MAEA: variants seen among roughly 807,000 people sequenced by gnomAD.
MAEA encodes macrophage erythroblast attacher, E3 ubiquitin ligase.
In MAEA, 22 loss-of-function variants were observed where a neutral mutation model predicts 46.2. That is an observed-to-expected ratio of 0.48 (90% confidence interval 0.34 to 0.68). The LOEUF is 0.68. MAEA is among the 30% of genes least tolerant of loss of function. The probability of loss-of-function intolerance (pLI) is 0.01; values close to 1 mark genes in which losing one functional copy is unlikely to be tolerated. For synonymous variants in MAEA, 246 were observed against 222.6 expected (o/e 1.11, Z -0.94); for missense variants, 393 against 558.1 (o/e 0.70, Z 2.98).
At chr4:1,314,804 G>A (rs1291596122) in intron 2 of MAEA, among the ~76,000 whole-genome samples, 1 of 152,246 alleles carries the variant, frequency 6.6e-6, no homozygotes, top group African/African-American at 2.4e-5. Flanking sequence ...GCAGTTGGAA[G>A]CCAAAATTGG....
chr4:1,318,265 C>T (rs958028690), intron 3 of MAEA, among the ~76,000 whole-genome samples: 5 of 152,178 alleles, frequency 3.3e-5, no homozygotes, highest in African/African-American at 9.7e-5. Context: ...AGCAACCTGG[C>T]GGTGGCTGCT....
Position 1,339,213 on chromosome 4 carries a change from G to GCCTCCCCGCCCACT in MAEA, c.*44_*45insCCTCCCCGCCCACT. On this transcript the variant is annotated 3_prime_UTR_variant, in exon 9 of 9. Coordinates refer to ENST00000303400, the MANE Select transcript of MAEA (RefSeq NM_001017405.3). ...CACGCCTCGGGGACGGGCTGCAGTG[G>GCCTCCCCGCCCACT]GCGGGGAGGCCACGCCTTCCTCCTG... is the stretch of plus-strand genomic sequence containing the variant. 2.0e-6 allele frequency: 3 copies of GCCTCCCCGCCCACT among 1,472,350 alleles called. No homozygotes were observed. The highest frequency in any genetic ancestry group is 2.9e-6 in the Non-Finnish European group (3 of 1,051,414). The allele number at this position is 1,472,350 out of a possible 1,614,324, so 91.2% of individuals were successfully genotyped here. A position where few individuals can be genotyped will look rare whatever the true frequency, so the allele number is the denominator to read the frequency against.
At chr4:1,309,973 C>A (rs1429320911) in intron 1 of MAEA, 1 of 1,246,302 alleles carries the variant, frequency 8.0e-7, no homozygotes, top group African/African-American at 1.5e-5. Context: ...CTTTCCTTTT[C>A]TGGTGGCGGT....
At chr4:1,322,617 A>G (rs1738272486) in intron 4 of MAEA, 114 bp downstream of exon 4, 1 of 1,420,780 alleles carries the variant, frequency 7.0e-7, no homozygotes, top group South Asian at 1.3e-5. Context: ...TTTGGTTTGT[A>G]AGGTGGGGGT....
At chr4:1,300,750 C>G (rs2108872858) in intron 1 of MAEA, among the ~76,000 whole-genome samples, 1 of 152,384 alleles carries the variant, frequency 6.6e-6, no homozygotes. Context: ...GAGCGCAGAG[C>G]TCAGGGCCGA....
chr4:1,317,844 C>G (rs756345841), intron 3 of MAEA, among the ~76,000 whole-genome samples: 1 of 152,172 alleles, frequency 6.6e-6, no homozygotes, highest in Non-Finnish European at 1.5e-5. Context: ...CCGAAGTCTC[C>G]AGGTCATGAC....
At chr4:1,321,364 C>G (rs1050290283) in intron 3 of MAEA, among the ~76,000 whole-genome samples, 1 of 150,194 alleles carries the variant, frequency 6.7e-6, no homozygotes, top group African/African-American at 2.5e-5. Context: ...AACGAGAAAC[C>G]GTTAAAGAAA....
At position 1,338,542 on chromosome 4, in the gene MAEA, C is replaced by T. The variant is rs753800491; in HGVS notation, c.1020C>T (p.Cys340=). The T allele has an allele frequency of 3.1e-6, 5 of 1,613,266 alleles. No homozygotes were observed. The highest frequency in any genetic ancestry group is 4.2e-6 in the Non-Finnish European group (5 of 1,180,020). The change falls in exon 8 of 9, where the codon TGC becomes TGT. Residue 340 remains cysteine, a synonymous_variant. Transcript: ENST00000303400. ...MAHCANSRLV[C]KISGDVMNEN... is the part of the protein sequence containing the mutation. ...ACTGTGCCAACTCCCGCCTGGTCTG[C>T]AAGATTTCTGGCGACGTGATGAACG...
intron 1 of MAEA, among the ~76,000 whole-genome samples, chr4:1,307,808 T>G (rs2108892912): frequency 6.6e-6 from 1 of 152,302 alleles, no homozygotes; most frequent in South Asian, 2.1e-4. Flanking sequence ...AAATTGCTTA[T>G]CCTCTGACTT....
intron 1 of MAEA, among the ~76,000 whole-genome samples, chr4:1,308,796 T>G (rs945627453): frequency 6.6e-6 from 1 of 152,260 alleles, no homozygotes; most frequent in Non-Finnish European, 1.5e-5. Context: ...TTTTTAAAAG[T>G]GCATTCTGGA....
intron 1 of MAEA, among the ~76,000 whole-genome samples, chr4:1,298,995 C>T (rs1326610006): frequency 6.6e-6 from 1 of 152,128 alleles, no homozygotes; most frequent in African/African-American, 2.4e-5. Flanking sequence ...GATCTTCCTG[C>T]CTCAGCCTCC....
At chr4:1,317,727 T>A (rs13129712) in intron 3 of MAEA, among the ~76,000 whole-genome samples, 1 of 152,062 alleles carries the variant, frequency 6.6e-6, no homozygotes, top group African/African-American at 2.4e-5. Context: ...GTGAATGTGA[T>A]GTGTCACAGC....
intron 1 of MAEA, among the ~76,000 whole-genome samples, chr4:1,302,990 C>T (rs1180371249): frequency 3.3e-5 from 5 of 151,978 alleles, no homozygotes; most frequent in Non-Finnish European, 7.4e-5. Flanking sequence ...ACGCAGCCAC[C>T]TCGGAAAACA....
intron 7 of MAEA, chr4:1,337,790 C>T (rs1036572049): frequency 5.7e-6 from 1 of 174,846 alleles, no homozygotes; most frequent in African/African-American, 2.4e-5. Flanking sequence ...CTTACTGACT[C>T]TACCCCTGCC....
chr4:1,290,366 G>A (rs1323943543), intron 1 of MAEA, among the ~76,000 whole-genome samples: 2 of 152,182 alleles, frequency 1.3e-5, no homozygotes, highest in African/African-American at 4.8e-5. Context: ...CCGCCCTCCC[G>A]GGAGCCCAGG....
intron 1 of MAEA, among the ~76,000 whole-genome samples, chr4:1,307,752 G>C (rs1045924798): frequency 2.0e-5 from 3 of 152,184 alleles, no homozygotes; most frequent in African/African-American, 7.2e-5. Context: ...AGAGACCCTG[G>C]AGTTCTGATG....
chr4:1,328,916 G>A, intron 5 of MAEA: 1 of 1,008,042 alleles, frequency 9.9e-7, no homozygotes, highest in Non-Finnish European at 1.2e-6. Context: ...ACCCGGGCCA[G>A]TGGAGAGTGG....
intron 1 of MAEA, among the ~76,000 whole-genome samples, chr4:1,293,361 A>G (rs112712932): frequency 0.065 from 9,834 of 152,184 alleles, 1,012 homozygotes; most frequent in African/African-American, 0.22. Flanking sequence ...ACTGCCCTCC[A>G]GCCTGGGTGA....
At chr4:1,323,629 C>T (rs772680318) in intron 4 of MAEA, 4 of 702,548 alleles carry the variant, frequency 5.7e-6, no homozygotes, top group South Asian at 4.4e-5. Context: ...TGCGGCCCCA[C>T]TACACAGTGC....
Sources: allele counts gnomAD v4.1 joint callset (sites outside exome capture counted in the v4.1 genomes callset), GRCh38; gene constraint gnomAD v4.1.1; transcripts MANE v1.5; gene names NCBI Gene and HGNC (gene_info 2026-07-23, HGNC 2026-07-21).